The following OXTR variants were observed in gnomAD, a reference collection of about 807,000 sequenced individuals.
The protein encoded by OXTR is oxytocin receptor.
In OXTR, 19 loss-of-function variants were observed where a neutral mutation model predicts 23.9. The observed-to-expected ratio is 0.80, with a 90% CI of 0.56 to 1.17. OXTR has a LOEUF of 1.17. Among genes scored for constraint, OXTR ranks in the 50% most tolerant of loss-of-function variants. The pLI, the probability that OXTR is intolerant of heterozygous loss-of-function variation, is 0.00. For synonymous variants in OXTR, 278 were observed against 250.5 expected (o/e 1.11, Z -1.04); for missense variants, 500 against 550.7 (o/e 0.91, Z 0.92).
rs1353889232 is a variant in OXTR at position 8,768,401 on chromosome 3, C to T, written c.-142-72G>A. ...CCGACGCGGGTAGGGCGTGCTTGTCCCATTCCCAGGAACCCAACTCATCTG... is the reference window on the plus strand; with the variant it reads ...CCGACGCGGGTAGGGCGTGCTTGTCTCATTCCCAGGAACCCAACTCATCTG... On this transcript the variant is annotated intron_variant, in intron 2 of 3. Transcript: ENST00000316793. This position sits in a 1 kb window ranked among gnomAD's most constrained non-coding sequence, Gnocchi z 5.4. 1.9e-5 allele frequency: 14 copies of T among 754,256 alleles called. No individual in the cohort carries two copies. Among genetic ancestry groups the T allele is most frequent in the Non-Finnish European group, 2.5e-5 (14 of 561,822 alleles). The allele number at this position is 754,256 out of a possible 1,614,324, so 46.7% of individuals were successfully genotyped here. A position where few individuals can be genotyped will look rare whatever the true frequency, so the allele number is the denominator to read the frequency against.
At position 8,767,757 on chromosome 3, in the gene OXTR, G is replaced by C. The variant is rs921988343; in HGVS notation, c.431C>G (p.Pro144Arg). The C allele has an allele frequency of 6.2e-7, 1 of 1,606,616 alleles. No individual in the cohort carries two copies. The highest frequency in any genetic ancestry group is 1.7e-5 in the Admixed American group (1 of 59,072). ...SLDRCLAICQPLRSLRRRTDR... is the reference protein window; with the variant it reads ...SLDRCLAICQRLRSLRRRTDR... ...GGTGCGGCGGCGCAGCGAGCGCAGC[G>C]GCTGGCAGATGGCCAGGCAGCGGTC... Residue 144 changes from proline to arginine, a missense_variant, in exon 3 of 4, where the codon CCG becomes CGG. Physicochemically the swap from Pro to Arg is moderately radical, Grantham distance 103. Transcript: ENST00000316793.
intron 3 of OXTR, among the ~76,000 whole-genome samples, chr3:8,762,482 A>G (rs1708509755): frequency 6.6e-6 from 1 of 152,194 alleles, no homozygotes; most frequent in African/African-American, 2.4e-5. Flanking sequence ...TGTCCATCTA[A>G]TTGTGATTTG....
chr3:8,743,546 G>A, the OXTR span, among the ~76,000 whole-genome samples: 1 of 152,104 alleles, frequency 6.6e-6, no homozygotes, highest in Non-Finnish European at 1.5e-5. Context: ...GAAAGCTGGG[G>A]GCCAAGATTA....
Position 8,767,553 on chromosome 3 carries a change from G to T in OXTR, c.635C>A (p.Pro212Gln), listed in dbSNP as rs544737187. ...GTAGCAGGCAGCGAGCACGATGACCGGCACGATGTAGACAGCTAGCGTGAT... is the reference window on the plus strand; with the variant it reads ...GTAGCAGGCAGCGAGCACGATGACCTGCACGATGTAGACAGCTAGCGTGAT... ...TWITLAVYIVPVIVLAACYGL... is the reference protein window; with the variant it reads ...TWITLAVYIVQVIVLAACYGL... The change falls in exon 3 of 4, where the codon CCG (proline) becomes CAG (glutamine). Residue 212 changes from proline (P) to glutamine (Q), a missense_variant. By Grantham distance (76) the Pro-to-Gln change is moderately conservative. Transcript: ENST00000316793. 6.2e-7 allele frequency: 1 copy of T among 1,613,328 alleles called. No individual in the cohort carries two copies. The highest frequency in any genetic ancestry group is 1.7e-5 in the Admixed American group (1 of 60,006).
intron 3 of OXTR, 81 bp downstream of exon 3, chr3:8,767,185 C>T: frequency 7.3e-7 from 1 of 1,378,768 alleles, no homozygotes; most frequent in Non-Finnish European, 9.8e-7. Context: ...TCCACAGACC[C>T]CTGGACATTC....
At chr3:8,763,388 G>A (rs865798196) in intron 3 of OXTR, among the ~76,000 whole-genome samples, 13 of 152,108 alleles carry the variant, frequency 8.5e-5, no homozygotes, top group Non-Finnish European at 5.9e-5. Flanking sequence ...TGGACTGGGC[G>A]TTTTACCAGG....
chr3:8,746,860 T>C (rs750498984), downstream of OXTR: 1 of 151,780 alleles, frequency 6.6e-6, no homozygotes, highest in Non-Finnish European at 1.5e-5. Context: ...CCGAGTGTGC[T>C]ATCCAGAACT....
intron 3 of OXTR, among the ~76,000 whole-genome samples, chr3:8,764,207 A>C (rs1708555684): frequency 6.6e-6 from 1 of 151,924 alleles, no homozygotes; most frequent in Non-Finnish European, 1.5e-5. Context: ...GGCAGCCTTG[A>C]TGGGTGGCCA....
intron 3 of OXTR, among the ~76,000 whole-genome samples, chr3:8,756,890 A>G (rs759412290): frequency 1.1e-4 from 16 of 152,328 alleles, no homozygotes; most frequent in African/African-American, 3.6e-4. Flanking sequence ...TGCAGCCACA[A>G]TGATGTCAGC....
intron 3 of OXTR, among the ~76,000 whole-genome samples, chr3:8,765,257 C>T (rs193209044): frequency 6.5e-4 from 99 of 152,262 alleles, no homozygotes; most frequent in African/African-American, 2.1e-3. Context: ...AGGGAGGACA[C>T]ACAGTGAGAA....
At chr3:8,742,991 T>C in the OXTR span, among the ~76,000 whole-genome samples, 3 of 152,274 alleles carry the variant, frequency 2.0e-5, no homozygotes, top group Admixed American at 6.5e-5. Context: ...CTTCCAATCA[T>C]AGCAGAAGGC....
intron 3 of OXTR, among the ~76,000 whole-genome samples, chr3:8,757,689 G>A (rs552948126): frequency 2.0e-5 from 3 of 152,254 alleles, no homozygotes; most frequent in East Asian, 1.9e-4. Context: ...AGTCCTGAGC[G>A]TGTGCCAGAC....
In OXTR at chr3:8,759,334, G is replaced by C. The variant is rs536158717; in HGVS notation, c.923-6110C>G. On this transcript the variant is annotated intron_variant, in intron 3 of 3. Coordinates refer to ENST00000316793, the MANE Select transcript of OXTR (RefSeq NM_000916.4). ...CCTTCTCAGGGTATTTGCAGTACTT[G>C]GTAAATAAATAGCTCTATAACAGCA... Among the ~76,000 whole-genome samples the C allele has an allele frequency of 2.0e-5, 3 of 152,184 alleles. No homozygotes were observed. In the South Asian group the frequency reaches 6.2e-4, roughly 32 times the overall value.
rs1708307258 is a variant in OXTR at position 8,753,204 on chromosome 3, T to G, written c.943A>C (p.Met315Leu). ...PKEASAFIIV[M>L]LLASLNSCCN... ...CAGCTGTTGAGGCTGGCCAGGAGCA[T>G]GACGATGATGAAGGCCGAGGCTGAG... Residue 315 changes from methionine to leucine, a missense_variant, in exon 4 of 4, where the codon ATG becomes CTG. Coordinates refer to ENST00000316793, the MANE Select transcript of OXTR (RefSeq NM_000916.4). The G allele has an allele frequency of 3.1e-6, 5 of 1,613,614 alleles. No individual in the cohort carries two copies. Among genetic ancestry groups the G allele is most frequent in the Non-Finnish European group, 4.2e-6 (5 of 1,179,934 alleles).
chr3:8,749,958 G>T (rs557276271), downstream of OXTR, among the ~76,000 whole-genome samples: 1 of 152,274 alleles, frequency 6.6e-6, no homozygotes, highest in East Asian at 1.9e-4. Flanking sequence ...ACAAAAATGT[G>T]CCTGGAAACT....
chr3:8,745,747 C>T (rs139985460), downstream of OXTR: 2,942 of 1,614,120 alleles, frequency 1.8e-3, 5 homozygotes, highest in Non-Finnish European at 2.0e-3. This position sits in a 1 kb window ranked among gnomAD's most constrained non-coding sequence, Gnocchi z 4.8. Context: ...GCTACCTGAT[C>T]GAGATCCAGT....
intron 3 of OXTR, among the ~76,000 whole-genome samples, chr3:8,756,079 C>T (rs575706350): frequency 4.6e-5 from 7 of 152,260 alleles, no homozygotes; most frequent in East Asian, 1.9e-4. Flanking sequence ...AGCAGGTGAG[C>T]GACTACGGAT....
In OXTR at chr3:8,767,293, C is replaced by T; in HGVS notation, c.895G>A (p.Val299Ile). The part of the protein sequence containing the change: ...TPFFFVQMWS[V>I]WDANAPKEAS... ...TCCTTGGGCGCGTTGGCATCCCAGA[C>T]GCTCCACATCTGCACGAAGAAGAAA... Residue 299 changes from valine to isoleucine, a missense_variant, in exon 3 of 4, where the codon GTC (valine) becomes ATC (isoleucine). By Grantham distance (29) the Val-to-Ile change is conservative. Transcript: ENST00000316793. 1 of 1,565,450 alleles carries T rather than the reference C, an allele frequency of 6.4e-7. No individual in the cohort carries two copies. Among genetic ancestry groups the T allele is most frequent in the African/African-American group, 1.4e-5 (1 of 72,644 alleles).
intron 3 of OXTR, among the ~76,000 whole-genome samples, chr3:8,766,092 A>G (rs1401738175): frequency 6.6e-6 from 1 of 152,182 alleles, no homozygotes; most frequent in Non-Finnish European, 1.5e-5. Context: ...GAAAGGGTGA[A>G]AGCAAATCCT....
Sources: allele counts gnomAD v4.1 joint callset (sites outside exome capture counted in the v4.1 genomes callset), GRCh38; gene constraint gnomAD v4.1.1; non-coding constraint Gnocchi (gnomAD v3.1); transcripts MANE v1.5; gene names NCBI Gene and HGNC (gene_info 2026-07-23, HGNC 2026-07-21).